Variants in INTS6 observed in about 807,000 individuals in gnomAD.
The protein encoded by INTS6 is integrator complex subunit 6.
A neutral mutation model predicts 104.9 loss-of-function variants in INTS6; 16 were observed. That is an observed-to-expected ratio of 0.15 (90% confidence interval 0.10 to 0.23). The LOEUF is 0.23. Among genes scored for constraint, INTS6 ranks in the 10% least tolerant of loss-of-function variants. The probability of loss-of-function intolerance (pLI) is 1.00; values close to 1 mark genes in which losing one functional copy is unlikely to be tolerated. For synonymous variants in INTS6, 324 were observed against 358.7 expected (o/e 0.90, Z 1.09); for missense variants, 584 against 1,062.8 (o/e 0.55, Z 6.26).
intron 15 of INTS6, 148 bp from the exon 16 acceptor site, chr13:51,369,458 T>C (rs542733247): frequency 8.0e-6 from 6 of 745,422 alleles, no homozygotes; most frequent in East Asian, 5.4e-5. Context: ...TTTTTAAGCA[T>C]TGCCAAAGAT....
At chr13:51,404,103 C>CACACACACAGAGAG (rs1491389220) in intron 4 of INTS6, among the ~76,000 whole-genome samples, 18 of 103,968 alleles carry the variant, frequency 1.7e-4, no homozygotes, top group African/African-American at 6.7e-4. Flanking sequence ...CACACACACA[C>CACACACACAGAGAG]AGAGAGAGAG....
intron 6 of INTS6, 36 bp from the exon 7 acceptor site, chr13:51,387,576 T>C (rs1956163745): frequency 1.3e-6 from 2 of 1,524,168 alleles, no homozygotes; most frequent in Non-Finnish European, 1.8e-6. Context: ...AAAGCATATA[T>C]CATAAGGGGG....
chr13:51,384,662 C>T (rs1956107763), intron 7 of INTS6: 1 of 456,580 alleles, frequency 2.2e-6, no homozygotes, highest in African/African-American at 2.0e-5. Context: ...AGCCGTTATT[C>T]TTGATATCTT....
At chr13:51,335,630 C>G in the INTS6 span, 1 of 152,156 alleles carries the variant, frequency 6.6e-6, no homozygotes, top group African/African-American at 2.4e-5. Context: ...GGGAAATTCC[C>G]GCACAGTCCA....
the INTS6 span, among the ~76,000 whole-genome samples, chr13:51,336,120 T>C: frequency 6.6e-6 from 1 of 152,178 alleles, no homozygotes; most frequent in Non-Finnish European, 1.5e-5. Flanking sequence ...ACAAGTTAGA[T>C]TAAAAACTAG....
chr13:51,424,232 A>C (rs1292622170), intron 4 of INTS6, among the ~76,000 whole-genome samples: 1 of 152,078 alleles, frequency 6.6e-6, no homozygotes, highest in Non-Finnish European at 1.5e-5. Context: ...ATTTTGATAT[A>C]TCTTAACAAA....
chr13:51,433,952 C>T (rs1165229758), intron 3 of INTS6, among the ~76,000 whole-genome samples: 1 of 152,132 alleles, frequency 6.6e-6, no homozygotes, highest in Non-Finnish European at 1.5e-5. Context: ...AATGATATAA[C>T]TCAAGGTGGC....
intron 4 of INTS6, among the ~76,000 whole-genome samples, chr13:51,412,803 A>T (rs1156323125): frequency 6.6e-6 from 1 of 152,220 alleles, no homozygotes; most frequent in African/African-American, 2.4e-5. Flanking sequence ...AACACCAGCA[A>T]ATTCATTCAT....
chr13:51,452,410 G>T lies in INTS6; in HGVS notation c.111+5C>A. ...GGTCGCCGCCCGGGCTCGGTCAGTCGGTACCTTCATGAAGGTCTCTACCGC... is the reference window on the plus strand; with the variant it reads ...GGTCGCCGCCCGGGCTCGGTCAGTCTGTACCTTCATGAAGGTCTCTACCGC... On this transcript the variant is annotated splice_donor_5th_base_variant and intron_variant, in intron 1 of 17. Coordinates refer to ENST00000311234, the MANE Select transcript of INTS6 (RefSeq NM_012141.3). This position sits in a 1 kb window ranked among gnomAD's most constrained non-coding sequence, Gnocchi z 4.2. 3 of 1,595,790 alleles carry T rather than the reference G, an allele frequency of 1.9e-6. No individual in the cohort carries two copies. The highest frequency in any genetic ancestry group is 2.6e-6 in the Non-Finnish European group (3 of 1,171,282).
intron 4 of INTS6, among the ~76,000 whole-genome samples, chr13:51,420,299 A>ATT (rs71192003): frequency 4.2e-5 from 6 of 142,866 alleles, no homozygotes; most frequent in East Asian, 2.0e-4. Context: ...TACATACTTA[A>ATT]TTTTTTTTTT....
At chr13:51,378,161 CAG>C in intron 12 of INTS6, 76 bp downstream of exon 12, 1 of 1,037,074 alleles carries the variant, frequency 9.6e-7, no homozygotes, top group South Asian at 1.3e-5. Context: ...AACTGAATGT[CAG>C]AGTTAACAGA....
chr13:51,379,299 C>T (rs1956001351), intron 11 of INTS6, among the ~76,000 whole-genome samples, 163 bp downstream of exon 11: 2 of 151,706 alleles, frequency 1.3e-5, no homozygotes, highest in Non-Finnish European at 1.5e-5. Flanking sequence ...CATAGCACAC[C>T]ATGGATGTGA....
At chr13:51,421,332 T>C (rs1233345942) in intron 4 of INTS6, 2 of 983,494 alleles carry the variant, frequency 2.0e-6, no homozygotes, top group Non-Finnish European at 2.4e-6. Flanking sequence ...GCTGCTCCTT[T>C]AGCTGAAAGG....
chr13:51,426,611 T>C (rs1439524442), intron 4 of INTS6, among the ~76,000 whole-genome samples: 1 of 152,082 alleles, frequency 6.6e-6, no homozygotes, highest in Non-Finnish European at 1.5e-5. Flanking sequence ...AACCATTTAA[T>C]AGGTGATTTC....
chr13:51,359,573 A>T (rs1955529971), downstream of INTS6, among the ~76,000 whole-genome samples: 1 of 152,094 alleles, frequency 6.6e-6, no homozygotes, highest in African/African-American at 2.4e-5. Context: ...AACCAGACTC[A>T]TCCACATCAA....
At chr13:51,420,510 T>G (rs1470914966) in intron 4 of INTS6, among the ~76,000 whole-genome samples, 2 of 152,098 alleles carry the variant, frequency 1.3e-5, no homozygotes, top group Non-Finnish European at 2.9e-5. Context: ...CTGGAGAATC[T>G]TTTTCTGGTG....
chr13:51,398,033 T>C (rs1466233841), intron 4 of INTS6, among the ~76,000 whole-genome samples: 1 of 152,178 alleles, frequency 6.6e-6, no homozygotes, highest in Non-Finnish European at 1.5e-5. Flanking sequence ...AGGCAAATTT[T>C]TATTTATTTT....
chr13:51,373,575 A>C (rs1355236819), intron 15 of INTS6, among the ~76,000 whole-genome samples: 1 of 152,140 alleles, frequency 6.6e-6, no homozygotes, highest in Non-Finnish European at 1.5e-5. Flanking sequence ...CTATACTGGA[A>C]TTTTTTAAAT....
Position 51,370,125 on chromosome 13 carries a change from TA to T in INTS6, c.2105-816del, listed in dbSNP as rs143921261. 8.5e-3 allele frequency among the ~76,000 whole-genome samples: 1,293 copies of T among 152,300 alleles called. 23 individuals are homozygous for T. The highest frequency in any genetic ancestry group is 0.03 in the African/African-American group (1,248 of 41,568). On this transcript the variant is annotated intron_variant, in intron 15 of 17. Coordinates refer to ENST00000311234, the MANE Select transcript of INTS6 (RefSeq NM_012141.3). ...ATCCCCCAAATTCCTGACTCTCTCC[TA>T]AATTCGATTCCATGATTTGCAAACT...
Sources: allele counts gnomAD v4.1 joint callset (sites outside exome capture counted in the v4.1 genomes callset), GRCh38; gene constraint gnomAD v4.1.1; non-coding constraint Gnocchi (gnomAD v3.1); transcripts MANE v1.5; gene names NCBI Gene and HGNC (gene_info 2026-07-23, HGNC 2026-07-21).